TRIM49: variants seen among roughly 807,000 people sequenced by gnomAD.
The protein encoded by TRIM49 is tripartite motif-containing protein 49.
Under a neutral mutation model 27.4 loss-of-function variants are expected in TRIM49, and 5 were observed. The observed-to-expected ratio is 0.18, with a 90% CI of 0.10 to 0.38. The LOEUF is 0.38. Among genes scored for constraint, TRIM49 ranks in the 10% least tolerant of loss-of-function variants. The probability of loss-of-function intolerance (pLI) is 1.00; values close to 1 mark genes in which losing one functional copy is unlikely to be tolerated. For synonymous variants in TRIM49, 69 were observed against 166.0 expected, an observed-to-expected ratio of 0.42 and a Z score of 4.49; for missense variants, 188 against 487.5, an observed-to-expected ratio of 0.39 and a Z score of 5.79.
At chr11:89,804,532 C>T (rs1949772549) in intron 2 of TRIM49, 59 bp from the exon 3 acceptor site, 1 of 1,520,876 alleles carries the variant, frequency 6.6e-7, no homozygotes, top group Non-Finnish European at 8.8e-7. Context: ...ACCTTCTAAA[C>T]ATGTGGAGAT....
chr11:89,804,898 A>T (rs1468355071), intron 2 of TRIM49, among the ~76,000 whole-genome samples: 10 of 151,152 alleles, frequency 6.6e-5, no homozygotes, highest in Non-Finnish European at 7.4e-5. Flanking sequence ...GGCCAAAGAA[A>T]TATGAGAAGA....
In TRIM49 at chr11:89,804,724, C is replaced by G. The variant is rs1158911294; in HGVS notation, c.-4-251G>C. Among the ~76,000 whole-genome samples, 4 of 151,370 alleles carry G rather than the reference C, an allele frequency of 2.6e-5. No homozygotes were observed. In the South Asian group the frequency reaches 6.2e-4, roughly 24 times the overall value. On this transcript the variant is annotated intron_variant, in intron 2 of 7. Coordinates refer to ENST00000329758, the MANE Select transcript of TRIM49 (RefSeq NM_020358.2). Reference sequence around the variant, plus strand: ...TTCCTGTCTGTAGCATAATACAAACCTATTCAACTACCCATTTTCTGAACA... The same window carrying G: ...TTCCTGTCTGTAGCATAATACAAACGTATTCAACTACCCATTTTCTGAACA...
the TRIM49 span, among the ~76,000 whole-genome samples, chr11:89,769,752 C>G: frequency 2.6e-5 from 3 of 113,320 alleles, no homozygotes; most frequent in African/African-American, 1.5e-4. Flanking sequence ...CCTCTTGGAT[C>G]CAGGAGTTTT....
At chr11:89,784,686 A>T in the TRIM49 span, among the ~76,000 whole-genome samples, 19 of 143,328 alleles carry the variant, frequency 1.3e-4, 3 homozygotes, top group African/African-American at 5.1e-4. Flanking sequence ...TCTATGCAGC[A>T]GTCAATGCCT....
chr11:89,786,749 G>T, the TRIM49 span: 9 of 138,424 alleles, frequency 6.5e-5, no homozygotes, highest in African/African-American at 2.6e-4. Flanking sequence ...GTCGTCAGAC[G>T]GACACAGAGG....
chr11:89,768,492 C>G, the TRIM49 span, among the ~76,000 whole-genome samples: 2 of 133,540 alleles, frequency 1.5e-5, no homozygotes, highest in Non-Finnish European at 3.0e-5. Flanking sequence ...GCCTCTCTCC[C>G]TATTTGCCAC....
At chr11:89,768,079 C>G in the TRIM49 span, 2 of 600,740 alleles carry the variant, frequency 3.3e-6, 1 homozygote, top group Non-Finnish European at 5.7e-6. Context: ...TACCTATTCA[C>G]AGACTATTCT....
At chr11:89,772,277 C>T in the TRIM49 span, among the ~76,000 whole-genome samples, 1 of 135,828 alleles carries the variant, frequency 7.4e-6, no homozygotes. Flanking sequence ...CGTTAATCAA[C>T]TGTGAATATT....
chr11:89,789,849 T>C, the TRIM49 span: 1 of 152,888 alleles, frequency 6.5e-6, no homozygotes, highest in Admixed American at 6.5e-5. Flanking sequence ...AGATGGGTGA[T>C]TACTACGTTT....
In TRIM49 at chr11:89,805,504, C is replaced by G. The variant is rs1311783702; in HGVS notation, c.-4-1031G>C. ...AGAAAAAAGGCAACTTCCTCCGTCT[C>G]TCTCCTGAAACTTGTTCTGAACCTT... On this transcript the variant is annotated intron_variant, in intron 2 of 7. Transcript: ENST00000329758. Among the ~76,000 whole-genome samples the G allele has an allele frequency of 4.6e-5, 7 of 151,742 alleles. 1 individual carries two copies. The highest frequency in any genetic ancestry group is 7.4e-5 in the Non-Finnish European group (5 of 67,856).
chr11:89,791,367 C>T, the TRIM49 span, among the ~76,000 whole-genome samples: 1 of 152,110 alleles, frequency 6.6e-6, no homozygotes, highest in Admixed American at 6.5e-5. Context: ...GGCAGGCCAA[C>T]ATTCAAATTC....
chr11:89,775,103 G>A, the TRIM49 span, among the ~76,000 whole-genome samples: 1 of 115,498 alleles, frequency 8.7e-6, no homozygotes, highest in African/African-American at 5.4e-5. Context: ...AATCGGCTGG[G>A]CATGATGGCT....
downstream of TRIM49, among the ~76,000 whole-genome samples, chr11:89,792,670 G>T (rs529087479): frequency 2.1e-3 from 323 of 152,236 alleles, no homozygotes; most frequent in Admixed American, 4.0e-3. Flanking sequence ...AATGAAGGCA[G>T]AAATAAAGAT....
chr11:89,787,813 C>T, the TRIM49 span: 4 of 511,016 alleles, frequency 7.8e-6, no homozygotes, highest in African/African-American at 2.3e-5. Flanking sequence ...AGGAGAAGCG[C>T]CCGCTGCCCT....
At chr11:89,777,158 A>G in the TRIM49 span, 1 of 1,550,118 alleles carries the variant, frequency 6.5e-7, no homozygotes, top group Non-Finnish European at 8.7e-7. Flanking sequence ...AAAACCTCAG[A>G]GAAGCCCAAC....
At chr11:89,796,173 A>G (rs559962608), downstream of TRIM49, among the ~76,000 whole-genome samples, 421 of 152,104 alleles carry the variant, frequency 2.8e-3, no homozygotes, top group African/African-American at 9.8e-3. Context: ...TAAATAAATC[A>G]ATATTTAAAA....
downstream of TRIM49, among the ~76,000 whole-genome samples, chr11:89,793,496 C>CA (rs1207937719): frequency 5.3e-5 from 8 of 152,160 alleles, no homozygotes; most frequent in African/African-American, 1.7e-4. Flanking sequence ...AAAATACTGA[C>CA]AAACAGAATC....
the TRIM49 span, among the ~76,000 whole-genome samples, chr11:89,773,176 G>GCA: frequency 7.4e-6 from 1 of 134,442 alleles, no homozygotes; most frequent in Admixed American, 7.0e-5. Flanking sequence ...GGGTGACAGA[G>GCA]GGAGACTGCG....
Position 89,798,404 on chromosome 11 carries a change from C to T in TRIM49, c.1085G>A (p.Arg362Gln), listed in dbSNP as rs151026511. 5.2e-5 allele frequency: 83 copies of T among 1,603,082 alleles called. No homozygotes were observed. In the East Asian group the frequency reaches 5.3e-4, roughly 10 times the overall value. ...NWAFGVCNMY[R>Q]KEKNQNEKID... is the part of the protein sequence containing the mutation. ...CTTCTCATTCTGATTCTTCTCTTTCCGATACATATTACAGACACCAAAAGC... is the reference window on the plus strand; with the variant it reads ...CTTCTCATTCTGATTCTTCTCTTTCTGATACATATTACAGACACCAAAAGC... The change falls in exon 8 of 8, where the codon CGG becomes CAG. Residue 362 changes from arginine (R) to glutamine (Q), a missense_variant. This residue lies in a region of TRIM49 where 94 missense variants were observed against 149.6 expected (regional missense o/e 0.63). Transcript: ENST00000329758.
Sources: gnomAD v4.1 joint callset for allele counts (sites outside exome capture counted in the v4.1 genomes callset) on GRCh38, gnomAD v4.1.1 for gene constraint, gnomAD v4.1.1 regional missense constraint, MANE v1.5 for transcripts, NCBI Gene and HGNC (gene_info 2026-07-23, HGNC 2026-07-21) for gene names.